Variants in MTMR12 observed in about 807,000 individuals in gnomAD.
The protein encoded by MTMR12 is myotubularin-related protein 12.
A neutral mutation model predicts 96.7 loss-of-function variants in MTMR12; 33 were observed. That is an observed-to-expected ratio of 0.34 (90% CI 0.26 to 0.46). MTMR12 has a LOEUF of 0.46. Ranked by LOEUF, MTMR12 falls within the 20% of genes least tolerant of loss-of-function variation. The pLI is 1.00. For missense variants in MTMR12, 721 were observed against 896.1 expected (o/e 0.80, Z 2.49); for synonymous variants, 298 against 327.2 (o/e 0.91, Z 0.96).
chr5:32,270,761 G>C (rs1749798484), intron 5 of MTMR12, 56 bp downstream of exon 5: 2 of 1,542,316 alleles, frequency 1.3e-6, no homozygotes, highest in East Asian at 2.3e-5. Context: ...AAAAACTAGA[G>C]CTAGTGGGGA....
At position 32,227,092 on chromosome 5, in the gene MTMR12, TAAA is replaced by T. The variant is rs971186929; in HGVS notation, c.*2683_*2685del. ...AAACTTTCATTGTGCATCCAGAAAA[TAAA>T]AAGCACAAGTATACAGGTTTAGCTC... On this transcript the variant is annotated 3_prime_UTR_variant, in exon 16 of 16. Coordinates refer to ENST00000382142, the MANE Select transcript of MTMR12 (RefSeq NM_001040446.3). 2.6e-5 allele frequency: 4 copies of T among 152,428 alleles called. No individual in the cohort carries two copies. Among genetic ancestry groups the T allele is most frequent in the African/African-American group, 9.7e-5 (4 of 41,368 alleles). 9.4% of individuals were successfully genotyped at this position (152,428 alleles called of 1,614,324 possible).
chr5:32,271,843 C>A lies in MTMR12; in HGVS notation c.348G>T (p.Gln116His). 6.4e-7 allele frequency: 1 copy of A among 1,573,868 alleles called. No homozygotes were observed. The highest frequency in any genetic ancestry group is 8.7e-7 in the Non-Finnish European group (1 of 1,153,556). Residue 116 changes from glutamine (Q) to histidine (H), a missense_variant, in exon 4 of 16, where the codon CAG (glutamine) becomes CAT (histidine). By Grantham distance (24) the Gln-to-His change is conservative. Transcript: ENST00000382142. ...AAAACAGATACTTACCTCCATAAATCTGATCAACACAGTGGAGTGTAATGT... is the reference window on the plus strand; with the variant it reads ...AAAACAGATACTTACCTCCATAAATATGATCAACACAGTGGAGTGTAATGT... ...ENDITLHCVDQIYGVFDEKKK... is the reference protein window; with the variant it reads ...ENDITLHCVDHIYGVFDEKKK...
intron 8 of MTMR12, among the ~76,000 whole-genome samples, chr5:32,250,992 A>C (rs957067140): frequency 1.3e-5 from 2 of 152,004 alleles, no homozygotes; most frequent in African/African-American, 4.8e-5. Context: ...ACAGTTTGTT[A>C]ATCTTATTTG....
intron 1 of MTMR12, among the ~76,000 whole-genome samples, chr5:32,284,357 A>C (rs1750439651): frequency 1.3e-5 from 2 of 151,824 alleles, no homozygotes; most frequent in Non-Finnish European, 2.9e-5. Context: ...AAGAAACAAT[A>C]GCTAGGCTTA....
intron 7 of MTMR12, among the ~76,000 whole-genome samples, chr5:32,257,237 G>A (rs1019306320): frequency 3.3e-5 from 5 of 152,186 alleles, no homozygotes; most frequent in Non-Finnish European, 7.3e-5. Flanking sequence ...AGGATCACTT[G>A]AGCCTCCAGG....
At chr5:32,239,304 C>T (rs1748367956) in intron 12 of MTMR12, 131 bp from the exon 13 acceptor site, 1 of 953,566 alleles carries the variant, frequency 1.0e-6, no homozygotes, top group South Asian at 2.8e-5. Flanking sequence ...CAGTCATGTT[C>T]TTATTCCCTA....
chr5:32,262,111 T>C (rs1749382890), intron 7 of MTMR12, among the ~76,000 whole-genome samples: 3 of 151,968 alleles, frequency 2.0e-5, no homozygotes, highest in Admixed American at 6.6e-5. Flanking sequence ...AAAGCTAGTA[T>C]TGATGTGGAG....
At chr5:32,293,074 T>C (rs553084019) in intron 1 of MTMR12, among the ~76,000 whole-genome samples, 45 of 152,354 alleles carry the variant, frequency 3.0e-4, no homozygotes, top group African/African-American at 1.1e-3. Context: ...AGTTGTGTTA[T>C]GTTAGGCGTA....
At chr5:32,257,796 AAAC>A (rs975937852) in intron 7 of MTMR12, among the ~76,000 whole-genome samples, 3 of 151,276 alleles carry the variant, frequency 2.0e-5, no homozygotes, top group South Asian at 4.2e-4. Flanking sequence ...ACAAACAAAC[AAAC>A]AACAACAAAA....
chr5:32,266,993 T>C (rs1185389036), intron 6 of MTMR12, among the ~76,000 whole-genome samples: 2 of 151,584 alleles, frequency 1.3e-5, no homozygotes, highest in East Asian at 1.9e-4. Flanking sequence ...GGCAGGAGAA[T>C]TGCTTGAACC....
chr5:32,286,745 T>C (rs1296900020), intron 1 of MTMR12, among the ~76,000 whole-genome samples: 1 of 152,168 alleles, frequency 6.6e-6, no homozygotes, highest in Non-Finnish European at 1.5e-5. Context: ...CTCAAGCCTT[T>C]ACCTGAAAGG....
At chr5:32,270,983 T>C (rs1252158657) in intron 4 of MTMR12, 36 bp from the exon 5 acceptor site, 1 of 1,591,304 alleles carries the variant, frequency 6.3e-7, no homozygotes, top group Non-Finnish European at 8.6e-7. Flanking sequence ...AGGGAAATTA[T>C]GTTACACAGC....
At position 32,294,576 on chromosome 5, in the gene MTMR12, C is replaced by T. The variant is rs189196880; in HGVS notation, c.82-17834G>A. On this transcript the variant is annotated intron_variant, in intron 1 of 15. Transcript: ENST00000382142. ...TTGGCCTCCCAAAGTGCTGAGATTACAGGTGTGAGCCACCGCACCTGGCCA... is the reference window on the plus strand; with the variant it reads ...TTGGCCTCCCAAAGTGCTGAGATTATAGGTGTGAGCCACCGCACCTGGCCA... 1.3e-3 allele frequency among the ~76,000 whole-genome samples: 194 copies of T among 152,234 alleles called. 1 individual carries two copies. Among genetic ancestry groups the T allele is most frequent in the Non-Finnish European group, 2.4e-3 (166 of 68,030 alleles).
chr5:32,243,374 T>C (rs572722148), intron 11 of MTMR12, 147 bp downstream of exon 11: 17 of 613,302 alleles, frequency 2.8e-5, no homozygotes, highest in African/African-American at 2.6e-4. Flanking sequence ...CAGAAATAAG[T>C]AGCAAATATA....
At chr5:32,237,542 A>T (rs528530797) in intron 13 of MTMR12, among the ~76,000 whole-genome samples, 4 of 151,710 alleles carry the variant, frequency 2.6e-5, no homozygotes, top group African/African-American at 9.7e-5. Flanking sequence ...ATGGAGTCTC[A>T]TTCTGTCACC....
intron 3 of MTMR12, among the ~76,000 whole-genome samples, chr5:32,272,793 C>T (rs60707526): frequency 0.45 from 68,121 of 151,968 alleles, 16,340 homozygotes; most frequent in African/African-American, 0.62. Flanking sequence ...CAAATGTGAA[C>T]AGGGGATTGA....
chr5:32,276,105 C>T (rs1247163022), intron 2 of MTMR12, among the ~76,000 whole-genome samples: 2 of 152,214 alleles, frequency 1.3e-5, no homozygotes, highest in Non-Finnish European at 2.9e-5. Context: ...GTTACTACTC[C>T]TGAACATGGA....
At chr5:32,235,934 T>C (rs1159942180) in intron 13 of MTMR12, among the ~76,000 whole-genome samples, 1 of 152,228 alleles carries the variant, frequency 6.6e-6, no homozygotes, top group Non-Finnish European at 1.5e-5. Context: ...AGATTGGAGA[T>C]GCCTGGAGGC....
At chr5:32,238,848 T>G (rs985435207) in intron 13 of MTMR12, among the ~76,000 whole-genome samples, 153 bp downstream of exon 13, 1 of 152,222 alleles carries the variant, frequency 6.6e-6, no homozygotes, top group Non-Finnish European at 1.5e-5. Flanking sequence ...GTATCCAAAG[T>G]CATCACACAA....
Sources: allele counts gnomAD v4.1 joint callset (sites outside exome capture counted in the v4.1 genomes callset), GRCh38; gene constraint gnomAD v4.1.1; transcripts MANE v1.5; gene names NCBI Gene and HGNC (gene_info 2026-07-23, HGNC 2026-07-21).